The following POU6F2 variants were observed in gnomAD, a reference collection of about 807,000 sequenced individuals.
POU6F2 encodes the protein POU class 6 homeobox 2.
In POU6F2, 31 loss-of-function variants were observed where a neutral mutation model predicts 71.3. The observed-to-expected ratio is 0.43, with a 90% CI of 0.33 to 0.59. The LOEUF (loss-of-function observed/expected upper bound fraction) is 0.59. POU6F2 is among the 20% of genes least tolerant of loss of function. POU6F2 has a pLI of 0.04. For synonymous variants in POU6F2, 347 were observed against 355.7 expected (o/e 0.98, Z 0.27); for missense variants, 783 against 856.8 (o/e 0.91, Z 1.07).
chr7:39,151,794 G>A (rs1792765230), intron 2 of POU6F2, among the ~76,000 whole-genome samples: 1 of 152,180 alleles, frequency 6.6e-6, no homozygotes, highest in African/African-American at 2.4e-5. Flanking sequence ...GTGAGGGCTT[G>A]GTAGAGGGAG....
intron 4 of POU6F2, among the ~76,000 whole-genome samples, chr7:39,219,642 T>C (rs879882553): frequency 2.0e-5 from 3 of 152,218 alleles, no homozygotes; most frequent in Non-Finnish European, 2.9e-5. Context: ...GAAAAATACT[T>C]GGCTCCACGT....
chr7:39,446,407 A>T (rs988126891), intron 7 of POU6F2, among the ~76,000 whole-genome samples: 2 of 152,244 alleles, frequency 1.3e-5, no homozygotes, highest in Non-Finnish European at 2.9e-5. Context: ...CTTGCCTAGT[A>T]CATTCTGCAT....
intron 4 of POU6F2, among the ~76,000 whole-genome samples, chr7:39,211,337 C>G (rs2128746688): frequency 6.6e-6 from 1 of 152,274 alleles, no homozygotes; most frequent in African/African-American, 2.4e-5. Context: ...CTCTCACTCA[C>G]CACCCCAGGC....
At chr7:39,297,236 C>CACACACAT (rs1259708524) in intron 4 of POU6F2, among the ~76,000 whole-genome samples, 2 of 148,974 alleles carry the variant, frequency 1.3e-5, no homozygotes, top group South Asian at 4.3e-4. Context: ...CACACACACA[C>CACACACAT]ATGAATTCAC....
intron 1 of POU6F2, among the ~76,000 whole-genome samples, 166 bp downstream of exon 1, chr7:38,978,224 G>A (rs1788229740): frequency 6.6e-6 from 1 of 152,142 alleles, no homozygotes; most frequent in Non-Finnish European, 1.5e-5. Context: ...AATCTGACCA[G>A]GGAAACCTCA....
chr7:39,106,096 A>C lies in POU6F2; in HGVS notation c.277+20065A>C, dbSNP rs577342284. 2.0e-5 allele frequency among the ~76,000 whole-genome samples: 3 copies of C among 151,730 alleles called. No homozygotes were observed. The South Asian group carries it at 6.3e-4, about 32-fold the overall frequency. Reference sequence around the variant, plus strand: ...CTTAAATCCCAATTGTAAGAATTTCATAATAAAATAGATATCCAAGTGCAT... The same window carrying C: ...CTTAAATCCCAATTGTAAGAATTTCCTAATAAAATAGATATCCAAGTGCAT... On this transcript the variant is annotated intron_variant, in intron 2 of 9. Coordinates refer to ENST00000518318, the MANE Select transcript of POU6F2 (RefSeq NM_001370959.1).
At chr7:39,407,522 A>G (rs1256997155) in intron 6 of POU6F2, among the ~76,000 whole-genome samples, 2 of 151,156 alleles carry the variant, frequency 1.3e-5, no homozygotes, top group African/African-American at 2.4e-5. Context: ...ATGTCGGGGT[A>G]CCCTCCATCT....
chr7:39,204,578 T>A lies in POU6F2; in HGVS notation c.369+252T>A, dbSNP rs188273226. ...TCATGTGGAAACACTTTTTTTTTTTTATCTTAAAACCCACTACAATTGTGC... is the reference window on the plus strand; with the variant it reads ...TCATGTGGAAACACTTTTTTTTTTTAATCTTAAAACCCACTACAATTGTGC... On this transcript the variant is annotated intron_variant, in intron 3 of 9. Coordinates refer to ENST00000518318, the MANE Select transcript of POU6F2 (RefSeq NM_001370959.1). Among the ~76,000 whole-genome samples, 6 of 133,382 alleles carry A rather than the reference T, an allele frequency of 4.5e-5. 1 individual carries two copies. The highest frequency in any genetic ancestry group is 5.2e-4 in the South Asian group (2 of 3,830). 87.5% of individuals were successfully genotyped at this position (133,382 alleles called of 152,430 possible).
At chr7:39,101,479 A>G (rs1479863578) in intron 2 of POU6F2, among the ~76,000 whole-genome samples, 5 of 145,918 alleles carry the variant, frequency 3.4e-5, no homozygotes, top group Admixed American at 2.0e-4. Context: ...GATTTCTCTT[A>G]TATGTTCCAT....
intron 2 of POU6F2, among the ~76,000 whole-genome samples, chr7:39,165,509 A>G (rs548671791): frequency 6.6e-6 from 1 of 152,340 alleles, no homozygotes; most frequent in South Asian, 2.1e-4. Context: ...TAAACAATTA[A>G]CAGATCAAAT....
intron 2 of POU6F2, among the ~76,000 whole-genome samples, chr7:39,097,428 ACT>A (rs948499835): frequency 6.6e-6 from 1 of 151,014 alleles, no homozygotes; most frequent in Non-Finnish European, 1.5e-5. Context: ...ATTTTCATCA[ACT>A]CTCTGTTGTC....
At chr7:39,194,404 C>G (rs1256801761) in intron 2 of POU6F2, among the ~76,000 whole-genome samples, 1 of 152,198 alleles carries the variant, frequency 6.6e-6, no homozygotes, top group Admixed American at 6.5e-5. Context: ...AGCTGGGCTT[C>G]TGGGTCAGGT....
In POU6F2 at chr7:39,309,927, A is replaced by G. The variant is rs1785128441; in HGVS notation, c.599-29715A>G. Among the ~76,000 whole-genome samples the G allele has an allele frequency of 5.3e-5, 8 of 152,180 alleles. No individual in the cohort carries two copies. The South Asian group carries it at 1.7e-3, about 32-fold the overall frequency. On this transcript the variant is annotated intron_variant, in intron 4 of 9. Transcript: ENST00000518318. Reference sequence around the variant, plus strand: ...TGAATGCACAGGGCCTAATTCTCCTATACTATGTCTGGCCCCTCAGTGCCC... The same window carrying G: ...TGAATGCACAGGGCCTAATTCTCCTGTACTATGTCTGGCCCCTCAGTGCCC...
chr7:39,246,696 A>G lies in POU6F2; in HGVS notation c.598+39076A>G, dbSNP rs1293386294. On this transcript the variant is annotated intron_variant, in intron 4 of 9. Transcript: ENST00000518318. ...AATATCAGCTATAACCACCATCCTCATCATCCATGGTGTAATTGTCAGCAG... is the reference window on the plus strand; with the variant it reads ...AATATCAGCTATAACCACCATCCTCGTCATCCATGGTGTAATTGTCAGCAG... Among the ~76,000 whole-genome samples, 6 of 152,240 alleles carry G rather than the reference A, an allele frequency of 3.9e-5. No individual in the cohort carries two copies. The East Asian group carries it at 1.2e-3, about 29-fold the overall frequency.
chr7:39,393,141 G>A (rs1442271716), intron 5 of POU6F2, among the ~76,000 whole-genome samples: 1 of 152,088 alleles, frequency 6.6e-6, no homozygotes, highest in East Asian at 1.9e-4. Context: ...GGTTCTTACT[G>A]TTAGCTTAAT....
rs761953181 is a variant in POU6F2 at position 39,207,612 on chromosome 7, A to C, written c.590A>C (p.Asn197Thr). Reference protein sequence around the residue: ...AGGIMTLPLQNLQATSSLNSQ... With the variant: ...AGGIMTLPLQTLQATSSLNSQ... ...GGCATTATGACTCTGCCACTGCAAA[A>C]TCTACAAGGTAATCCATAATGTCCA... The change falls in exon 4 of 10, where the codon AAT becomes ACT. Residue 197 changes from asparagine to threonine, a missense_variant. This residue lies in a region of POU6F2 where 572 missense variants were observed against 572.9 expected (regional missense o/e 1.00). Transcript: ENST00000518318. 3 of 1,613,666 alleles carry C rather than the reference A, an allele frequency of 1.9e-6. No individual in the cohort carries two copies. Among genetic ancestry groups the C allele is most frequent in the African/African-American group, 1.3e-5 (1 of 75,062 alleles).
chr7:39,206,328 T>C (rs997861904), intron 3 of POU6F2, among the ~76,000 whole-genome samples: 3 of 152,142 alleles, frequency 2.0e-5, no homozygotes, highest in African/African-American at 7.2e-5. Flanking sequence ...GCCCACGTGC[T>C]GCACTCAAAA....
intron 8 of POU6F2, among the ~76,000 whole-genome samples, chr7:39,459,197 T>C (rs1407673914): frequency 6.6e-6 from 1 of 152,210 alleles, no homozygotes; most frequent in Non-Finnish European, 1.5e-5. Flanking sequence ...CTTTCCAATC[T>C]TTCTACAACA....
At chr7:39,119,252 T>C (rs1236255465) in intron 2 of POU6F2, among the ~76,000 whole-genome samples, 1 of 152,166 alleles carries the variant, frequency 6.6e-6, no homozygotes, top group Non-Finnish European at 1.5e-5. Flanking sequence ...CCTGACATGT[T>C]CAACAACGTT....
Sources: allele counts gnomAD v4.1 joint callset (sites outside exome capture counted in the v4.1 genomes callset), GRCh38; gene constraint gnomAD v4.1.1; regional missense constraint gnomAD v4.1.1; transcripts MANE v1.5; gene names NCBI Gene and HGNC (gene_info 2026-07-23, HGNC 2026-07-21).